SLC35F1: variants seen among roughly 807,000 people sequenced by gnomAD.
SLC35F1 encodes chromosome 6 open reading frame 169.
SLC35F1 carries 14 observed loss-of-function variants against 48.7 expected under a neutral mutation model. The observed-to-expected ratio is 0.29, with a 90% CI of 0.19 to 0.45. SLC35F1 has a LOEUF of 0.45. Ranked by LOEUF, SLC35F1 falls within the 20% of genes least tolerant of loss-of-function variation. The pLI is 1.00. For missense variants in SLC35F1, 404 were observed against 500.0 expected, an observed-to-expected ratio of 0.81 and a Z score of 1.83; for synonymous variants, 190 against 202.2, an observed-to-expected ratio of 0.94 and a Z score of 0.51.
intron 1 of SLC35F1, among the ~76,000 whole-genome samples, chr6:118,135,521 G>A (rs1773781416): frequency 6.6e-6 from 1 of 152,184 alleles, no homozygotes; most frequent in Admixed American, 6.5e-5. Flanking sequence ...CATCTGTGCT[G>A]ACTGTTGTAT....
chr6:118,272,843 C>G (rs1257042977), intron 4 of SLC35F1, among the ~76,000 whole-genome samples: 8 of 148,268 alleles, frequency 5.4e-5, no homozygotes, highest in African/African-American at 2.0e-4. Context: ...ATTTTTCCAC[C>G]TGGAAATAAC....
chr6:117,917,754 C>CA (rs773113808), intron 1 of SLC35F1, among the ~76,000 whole-genome samples: 15,158 of 150,938 alleles, frequency 0.1, 1,103 homozygotes, highest in Non-Finnish European at 0.15. Flanking sequence ...GGGGAGAAGT[C>CA]GGAGTGTGGA....
At chr6:117,920,154 A>C (rs1775878799) in intron 1 of SLC35F1, among the ~76,000 whole-genome samples, 1 of 152,258 alleles carries the variant, frequency 6.6e-6, no homozygotes, top group African/African-American at 2.4e-5. Context: ...CTGCGCTCTT[A>C]GAGAGGGGCC....
intron 1 of SLC35F1, among the ~76,000 whole-genome samples, chr6:118,068,381 GAAT>G (rs1772648614): frequency 6.6e-6 from 1 of 152,176 alleles, no homozygotes; most frequent in Admixed American, 6.5e-5. Context: ...TGTGTAAGAA[GAAT>G]ACATTTTTTT....
At chr6:118,013,509 T>C (rs1038143749) in intron 1 of SLC35F1, among the ~76,000 whole-genome samples, 2 of 152,216 alleles carry the variant, frequency 1.3e-5, no homozygotes, top group Non-Finnish European at 2.9e-5. Context: ...TTTATATAAA[T>C]TATTTTCTCT....
At chr6:118,037,690 T>C (rs1470317627) in intron 1 of SLC35F1, among the ~76,000 whole-genome samples, 1 of 152,050 alleles carries the variant, frequency 6.6e-6, no homozygotes, top group Non-Finnish European at 1.5e-5. Flanking sequence ...TATGCAGCCA[T>C]AAAAAAGAAT....
intron 2 of SLC35F1, among the ~76,000 whole-genome samples, chr6:118,189,588 G>A (rs6939942): frequency 0.022 from 3,391 of 152,184 alleles, 139 homozygotes; most frequent in African/African-American, 0.077. Context: ...TTTGTTGATT[G>A]TATACTTTGC....
intron 2 of SLC35F1, among the ~76,000 whole-genome samples, chr6:118,214,504 A>T (rs1017899812): frequency 2.0e-5 from 3 of 152,208 alleles, no homozygotes; most frequent in African/African-American, 7.2e-5. Flanking sequence ...GGTATATTTT[A>T]AAAAGTCACC....
chr6:118,187,132 C>T lies in SLC35F1; in HGVS notation c.349+32512C>T, dbSNP rs529286315. On this transcript the variant is annotated intron_variant, in intron 2 of 7. Transcript: ENST00000360388. ...TACCCCATGCTCTCTGTCACTGACT[C>T]AAAATCTGAAATGAGATAATGTATG... is the stretch of plus-strand genomic sequence containing the variant. Among the ~76,000 whole-genome samples, 5 of 152,310 alleles carry T rather than the reference C, an allele frequency of 3.3e-5. No individual in the cohort carries two copies. The South Asian group carries it at 1.0e-3, about 32-fold the overall frequency.
chr6:118,163,618 A>G (rs116566685), intron 2 of SLC35F1, among the ~76,000 whole-genome samples: 2 of 152,210 alleles, frequency 1.3e-5, no homozygotes, highest in Admixed American at 1.3e-4. Flanking sequence ...TTAAGCATTC[A>G]TCTATCCATG....
intron 1 of SLC35F1, among the ~76,000 whole-genome samples, chr6:117,995,292 A>G (rs1460472183): frequency 1.3e-5 from 2 of 152,194 alleles, no homozygotes; most frequent in Non-Finnish European, 2.9e-5. Context: ...AGTTGGACAA[A>G]TATATCCAAA....
chr6:118,282,476 G>A (rs994973506), intron 6 of SLC35F1, among the ~76,000 whole-genome samples: 2 of 152,234 alleles, frequency 1.3e-5, no homozygotes, highest in Admixed American at 6.5e-5. Flanking sequence ...AAGGTAGCCT[G>A]GTTAGCAAAG....
chr6:118,194,630 C>T (rs1287043738), intron 2 of SLC35F1, among the ~76,000 whole-genome samples: 1 of 152,152 alleles, frequency 6.6e-6, no homozygotes, highest in Non-Finnish European at 1.5e-5. Flanking sequence ...TCACAAAATA[C>T]ACCAGATTTG....
At chr6:118,232,943 G>C (rs1775312950) in intron 2 of SLC35F1, among the ~76,000 whole-genome samples, 1 of 151,466 alleles carries the variant, frequency 6.6e-6, no homozygotes, top group African/African-American at 2.4e-5. Flanking sequence ...CTAGAAGGGG[G>C]GCTGGTCCCA....
intron 1 of SLC35F1, among the ~76,000 whole-genome samples, chr6:117,970,850 G>A (rs910004515): frequency 1.3e-5 from 2 of 152,122 alleles, no homozygotes; most frequent in East Asian, 1.9e-4. Flanking sequence ...TCCCTTTCAC[G>A]ACATGTAGGG....
intron 5 of SLC35F1, 39 bp downstream of exon 5, chr6:118,275,654 CTG>C: frequency 6.3e-7 from 1 of 1,582,804 alleles, no homozygotes; most frequent in Non-Finnish European, 8.6e-7. Context: ...AGTAGAGGGA[CTG>C]TCAAGACTTA....
intron 1 of SLC35F1, among the ~76,000 whole-genome samples, chr6:118,101,912 A>T (rs964942110): frequency 2.6e-5 from 4 of 152,212 alleles, no homozygotes; most frequent in African/African-American, 9.6e-5. Flanking sequence ...TATGAGTTTA[A>T]TCAGGATTTC....
In SLC35F1 at chr6:118,039,304, A is replaced by T. The variant is rs373014419; in HGVS notation, c.174-115141A>T. On this transcript the variant is annotated intron_variant, in intron 1 of 7. Coordinates refer to ENST00000360388, the MANE Select transcript of SLC35F1 (RefSeq NM_001029858.4). ...TTTTTTTTCTTTACGTTTAGTTTTCAGCAGCTTATGATGTATTTAAGAATG... is the reference window on the plus strand; with the variant it reads ...TTTTTTTTCTTTACGTTTAGTTTTCTGCAGCTTATGATGTATTTAAGAATG... Among the ~76,000 whole-genome samples, 40 of 152,102 alleles carry T rather than the reference A, an allele frequency of 2.6e-4. 1 individual carries two copies. Among genetic ancestry groups the T allele is most frequent in the East Asian group, 1.7e-3 (9 of 5,180 alleles).
At chr6:118,059,787 G>A (rs1375825189) in intron 1 of SLC35F1, among the ~76,000 whole-genome samples, 1 of 152,126 alleles carries the variant, frequency 6.6e-6, no homozygotes, top group Non-Finnish European at 1.5e-5. Flanking sequence ...TTTACCACAT[G>A]CCCAGAGCAA....
Sources: gnomAD v4.1 joint callset for allele counts (sites outside exome capture counted in the v4.1 genomes callset) on GRCh38, gnomAD v4.1.1 for gene constraint, MANE v1.5 for transcripts, NCBI Gene and HGNC (gene_info 2026-07-23, HGNC 2026-07-21) for gene names.